Variants in GGNBP2 observed in about 807,000 individuals in gnomAD.
GGNBP2 encodes gametogenetin binding protein 2.
GGNBP2 carries 10 observed loss-of-function variants against 85.9 expected under a neutral mutation model. That is an observed-to-expected ratio of 0.12 (90% CI 0.07 to 0.20). The LOEUF is 0.20. Ranked by LOEUF, GGNBP2 falls within the 10% of genes least tolerant of loss-of-function variation. GGNBP2 has a pLI of 1.00. For missense variants in GGNBP2, 595 were observed against 857.8 expected, an observed-to-expected ratio of 0.69 and a Z score of 3.83; for synonymous variants, 287 against 285.7, an observed-to-expected ratio of 1.00 and a Z score of -0.05.
intron 1 of GGNBP2, 181 bp from the exon 2 acceptor site, chr17:36,545,438 C>T (rs1181877820): frequency 3.7e-5 from 14 of 377,780 alleles, no homozygotes; most frequent in Non-Finnish European, 6.1e-5. Flanking sequence ...AGGGAGGGAG[C>T]GCGGCGCGAG....
chr17:36,575,396 GAAA>G, intron 6 of GGNBP2: 1 of 272,876 alleles, frequency 3.7e-6, no homozygotes, highest in Non-Finnish European at 7.1e-6. Context: ...TCATAGCCAG[GAAA>G]TCATCACTTA....
At chr17:36,584,171 A>G (rs929948984) in intron 9 of GGNBP2, among the ~76,000 whole-genome samples, 5 of 152,226 alleles carry the variant, frequency 3.3e-5, no homozygotes, top group African/African-American at 1.2e-4. Context: ...CATTTTTGAG[A>G]AAATGCCTGC....
chr17:36,573,459 G>A (rs1248964423), intron 6 of GGNBP2, among the ~76,000 whole-genome samples: 3 of 152,106 alleles, frequency 2.0e-5, no homozygotes, highest in South Asian at 2.1e-4. Context: ...CTCACATTTC[G>A]CCTGTTGTCA....
chr17:36,585,807 G>C, intron 10 of GGNBP2, 33 bp from the exon 11 acceptor site: 1 of 1,592,000 alleles, frequency 6.3e-7, no homozygotes, highest in Non-Finnish European at 8.6e-7. Flanking sequence ...TTATTGGTAT[G>C]TTAATAGTAA....
intron 8 of GGNBP2, among the ~76,000 whole-genome samples, chr17:36,579,732 T>C (rs1374741539): frequency 6.6e-6 from 1 of 152,344 alleles, no homozygotes; most frequent in Non-Finnish European, 1.5e-5. Flanking sequence ...CTAGTGAGGC[T>C]GGGCATGGTG....
intron 5 of GGNBP2, among the ~76,000 whole-genome samples, chr17:36,566,861 G>A (rs1275951897): frequency 1.3e-5 from 2 of 151,386 alleles, no homozygotes; most frequent in Non-Finnish European, 2.9e-5. Context: ...CTTTAAAAAG[G>A]AGTGATTACA....
intron 6 of GGNBP2, 28 bp downstream of exon 6, chr17:36,567,804 T>C (rs1555606092): frequency 2.5e-5 from 30 of 1,210,104 alleles, no homozygotes; most frequent in Non-Finnish European, 3.6e-5. Flanking sequence ...TCCAGTATAA[T>C]GTGGAAGGTG....
intron 7 of GGNBP2, 106 bp downstream of exon 7, chr17:36,578,292 A>AC: frequency 3.0e-5 from 25 of 826,228 alleles, no homozygotes; most frequent in Non-Finnish European, 4.3e-5. Flanking sequence ...TGATATATGT[A>AC]TAAATTAAAG....
intron 9 of GGNBP2, among the ~76,000 whole-genome samples, chr17:36,582,961 CTA>C (rs1327819925): frequency 1.3e-5 from 2 of 152,096 alleles, no homozygotes; most frequent in East Asian, 1.9e-4. Flanking sequence ...TCAAAAATAA[CTA>C]TTTTCTAAAT....
intron 5 of GGNBP2, among the ~76,000 whole-genome samples, chr17:36,566,638 G>A (rs559112332): frequency 1.1e-3 from 163 of 151,820 alleles, no homozygotes; most frequent in African/African-American, 3.6e-3. Context: ...CCAAGATCAC[G>A]CCACTGCATT....
chr17:36,569,362 G>A (rs1555606389), intron 6 of GGNBP2, among the ~76,000 whole-genome samples: 1 of 152,150 alleles, frequency 6.6e-6, no homozygotes, highest in Non-Finnish European at 1.5e-5. Context: ...CAGTGAGCCA[G>A]GATCGTGCCA....
intron 13 of GGNBP2, 66 bp downstream of exon 13, chr17:36,587,311 A>G (rs1311900974): frequency 1.3e-6 from 2 of 1,530,466 alleles, no homozygotes; most frequent in Non-Finnish European, 9.0e-7. Flanking sequence ...GGGAGGGGAT[A>G]GTATTTGAGG....
chr17:36,576,584 A>AAAAAT (rs1567830323), intron 6 of GGNBP2: 8 of 47,142 alleles, frequency 1.7e-4, no homozygotes, highest in African/African-American at 8.5e-4. Context: ...AAAAAAAAAA[A>AAAAAT]ATATATATAT....
At chr17:36,573,155 C>G (rs992732764) in intron 6 of GGNBP2, among the ~76,000 whole-genome samples, 8 of 152,066 alleles carry the variant, frequency 5.3e-5, no homozygotes, top group Non-Finnish European at 1.2e-4. Context: ...CTCTGTTGCC[C>G]AGGCAGGGGT....
At chr17:36,550,523 T>C (rs959416324) in intron 2 of GGNBP2, among the ~76,000 whole-genome samples, 1 of 152,222 alleles carries the variant, frequency 6.6e-6, no homozygotes, top group African/African-American at 2.4e-5. Context: ...ATGTTACAAA[T>C]AGCTGTGTGG....
intron 6 of GGNBP2, chr17:36,574,929 C>A: frequency 9.6e-7 from 1 of 1,045,346 alleles, no homozygotes. Flanking sequence ...ACACCCAGAC[C>A]GATGTGGCCA....
Position 36,569,376 on chromosome 17 carries a change from C to T in GGNBP2, c.641+1600C>T, listed in dbSNP as rs115402896. On this transcript the variant is annotated intron_variant, in intron 6 of 13. Coordinates refer to ENST00000613102, the MANE Select transcript of GGNBP2 (RefSeq NM_024835.5). ...GCAGTGAGCCAGGATCGTGCCACTGCACTCCAACGGAGCAAGACTCCGTCT... is the reference window on the plus strand; with the variant it reads ...GCAGTGAGCCAGGATCGTGCCACTGTACTCCAACGGAGCAAGACTCCGTCT... Among the ~76,000 whole-genome samples, 778 of 152,300 alleles carry T rather than the reference C, an allele frequency of 5.1e-3. 13 individuals are homozygous for T. Among genetic ancestry groups the T allele is most frequent in the East Asian group, 0.026 (132 of 5,170 alleles).
chr17:36,578,261 C>G, intron 7 of GGNBP2, 75 bp downstream of exon 7: 1 of 1,096,676 alleles, frequency 9.1e-7, no homozygotes, highest in Non-Finnish European at 1.3e-6. Context: ...TTATTTTCAT[C>G]ACCTTCTGCC....
In GGNBP2 at chr17:36,560,788, C is replaced by T. The variant is rs2074409571; in HGVS notation, c.444C>T (p.Asp148=). Reference sequence around the variant, plus strand: ...TTTTAATTAGGTCCAAACTAAATGACATGATAGATGCTATTCCAAAAAGTA... The same window carrying T: ...TTTTAATTAGGTCCAAACTAAATGATATGATAGATGCTATTCCAAAAAGTA... ...LFYVHGSKLN[D]MIDAIPKSKK... is the part of the protein sequence containing the mutation. Residue 148 remains aspartate, a synonymous_variant, in exon 5 of 14, where the codon GAC becomes GAT. Transcript: ENST00000613102. 2.6e-6 allele frequency: 4 copies of T among 1,565,686 alleles called. No homozygotes were observed. The highest frequency in any genetic ancestry group is 4.5e-5 in the East Asian group (2 of 44,082).
Sources: gnomAD v4.1 joint callset for allele counts (sites outside exome capture counted in the v4.1 genomes callset) on GRCh38, gnomAD v4.1.1 for gene constraint, MANE v1.5 for transcripts, NCBI Gene and HGNC (gene_info 2026-07-23, HGNC 2026-07-21) for gene names.